PTPRG: variants seen among roughly 807,000 people sequenced by gnomAD.
The protein encoded by PTPRG is receptor-type tyrosine-protein phosphatase gamma.
Under a neutral mutation model 165.3 loss-of-function variants are expected in PTPRG, and 102 were observed. That is an observed-to-expected ratio of 0.62 (90% CI 0.53 to 0.73). The LOEUF (loss-of-function observed/expected upper bound fraction) is 0.73, where lower values mean the gene tolerates loss of function less well. PTPRG is among the 30% of genes least tolerant of loss of function. The probability of loss-of-function intolerance (pLI) is 0.00; values close to 1 mark genes in which losing one functional copy is unlikely to be tolerated. For missense variants in PTPRG, 1,866 were observed against 1,861.4 expected, an observed-to-expected ratio of 1.00 and a Z score of -0.05; for synonymous variants, 675 against 669.5, an observed-to-expected ratio of 1.01 and a Z score of -0.13.
At chr3:62,106,310 T>C (rs1702470426) in intron 5 of PTPRG, among the ~76,000 whole-genome samples, 1 of 152,136 alleles carries the variant, frequency 6.6e-6, no homozygotes, top group Non-Finnish European at 1.5e-5. Flanking sequence ...AGCACCTTTG[T>C]GGTACATCTC....
At chr3:62,281,076 C>A (rs1237628001) in intron 26 of PTPRG, among the ~76,000 whole-genome samples, 1 of 152,032 alleles carries the variant, frequency 6.6e-6, no homozygotes. Context: ...AACCTTTTTA[C>A]TATCTGTATG....
chr3:62,160,661 T>C (rs1704720820), intron 7 of PTPRG, among the ~76,000 whole-genome samples: 2 of 152,376 alleles, frequency 1.3e-5, no homozygotes, highest in Admixed American at 6.5e-5. Context: ...TCTAGAATAG[T>C]GCTTCTCAGA....
rs376482842 is a variant in PTPRG, at chr3:62,167,594, C to G, written c.841-377C>G. 3.3e-5 allele frequency among the ~76,000 whole-genome samples: 5 copies of G among 152,298 alleles called. No homozygotes were observed. The South Asian group carries it at 8.3e-4, about 25-fold the overall frequency. ...GAGTTAGTATTCATACCCAGGCAGT[C>G]TGGCTCCGGGACATAACAGTTTGAC... On this transcript the variant is annotated intron_variant, in intron 7 of 29. Coordinates refer to ENST00000474889, the MANE Select transcript of PTPRG (RefSeq NM_002841.4).
In PTPRG at chr3:62,171,210, G is replaced by A. The variant is rs114390979; in HGVS notation, c.1033+3047G>A. ...ATTATTTTCAAGTCTGGGTGATTAC[G>A]AAAACTCTTGAACCTGCCTTTTAAT... On this transcript the variant is annotated intron_variant, in intron 8 of 29. Transcript: ENST00000474889. Among the ~76,000 whole-genome samples the A allele has an allele frequency of 6.9e-3, 1,052 of 152,224 alleles. 11 individuals carry two copies. The highest frequency in any genetic ancestry group is 0.011 in the Non-Finnish European group (768 of 68,016).
chr3:61,921,127 CCTTCCTT>C (rs1170223154), intron 2 of PTPRG, among the ~76,000 whole-genome samples: 3 of 144,120 alleles, frequency 2.1e-5, no homozygotes, highest in Non-Finnish European at 4.7e-5. Context: ...CTCCTTCCTT[CCTTCCTT>C]CCTTCCTTCC....
At chr3:62,287,436 A>G (rs1702707108) in intron 28 of PTPRG, among the ~76,000 whole-genome samples, 1 of 152,184 alleles carries the variant, frequency 6.6e-6, no homozygotes, top group South Asian at 2.1e-4. Context: ...GGAAGATTTT[A>G]TGAAATGAAG....
intron 15 of PTPRG, among the ~76,000 whole-genome samples, chr3:62,249,002 A>T (rs1489871598): frequency 6.6e-6 from 1 of 152,192 alleles, no homozygotes; most frequent in Non-Finnish European, 1.5e-5. Context: ...TACAGAGATT[A>T]TCTCCAAAAG....
intron 16 of PTPRG, among the ~76,000 whole-genome samples, chr3:62,259,871 C>T (rs950824506): frequency 2.0e-5 from 3 of 151,990 alleles, no homozygotes; most frequent in Non-Finnish European, 2.9e-5. Context: ...ATGGTCTTTT[C>T]AAAGGGTATG....
chr3:62,275,871 A>T lies in PTPRG; in HGVS notation c.3466-2A>T. The T allele has an allele frequency of 1.9e-6, 3 of 1,595,172 alleles. No individual in the cohort carries two copies. Among genetic ancestry groups the T allele is most frequent in the East Asian group, 2.2e-5 (1 of 44,664 alleles). ...AAGACTAAAATGTTTTTTCTTTTTC[A>T]GCTGGTCACACAGTGTAATGCAAAA... On this transcript the variant is annotated splice_acceptor_variant, in intron 23 of 29. Transcript: ENST00000474889. LOFTEE classifies it high-confidence loss of function.
chr3:62,008,302 G>C (rs910065255), intron 4 of PTPRG, among the ~76,000 whole-genome samples: 1 of 152,126 alleles, frequency 6.6e-6, no homozygotes, highest in Admixed American at 6.6e-5. Context: ...TGTTGTTTGA[G>C]GTAATTAAAA....
chr3:61,790,745 ATTTT>A, intron 2 of PTPRG, among the ~76,000 whole-genome samples: 1 of 138,596 alleles, frequency 7.2e-6, no homozygotes, highest in Middle Eastern at 3.5e-3. Context: ...GACTTCTGTG[ATTTT>A]TTTTTTTTTT....
chr3:62,213,342 T>C lies in PTPRG; in HGVS notation c.2156-5509T>C, dbSNP rs919103692. On this transcript the variant is annotated intron_variant, in intron 12 of 29. Transcript: ENST00000474889. The surrounding 1 kb of genome is among the most constrained non-coding windows in gnomAD (Gnocchi z 4.4). ...CACAGGCCCTGTGCTCAGAAGGGCC[T>C]ATGCTTGCTTTCATACTGTCTCATA... Among the ~76,000 whole-genome samples, 2 of 152,222 alleles carry C rather than the reference T, an allele frequency of 1.3e-5. No homozygotes were observed. Among genetic ancestry groups the C allele is most frequent in the Non-Finnish European group, 2.9e-5 (2 of 68,038 alleles).
At chr3:62,230,381 A>T (rs965472141) in intron 13 of PTPRG, among the ~76,000 whole-genome samples, 3 of 152,328 alleles carry the variant, frequency 2.0e-5, no homozygotes, top group African/African-American at 7.2e-5. Flanking sequence ...GTGGGACTCA[A>T]CAGAACTTCC....
chr3:62,083,257 A>G (rs1386820360), intron 5 of PTPRG, among the ~76,000 whole-genome samples: 2 of 128,766 alleles, frequency 1.6e-5, no homozygotes, highest in Non-Finnish European at 3.1e-5. Flanking sequence ...TTTTGCCATT[A>G]CTTTTTTTTT....
At chr3:61,602,372 A>G (rs1700893316) in intron 1 of PTPRG, among the ~76,000 whole-genome samples, 2 of 152,140 alleles carry the variant, frequency 1.3e-5, no homozygotes, top group African/African-American at 4.8e-5. Context: ...TACACAATCC[A>G]GAGGGAAATG....
intron 2 of PTPRG, among the ~76,000 whole-genome samples, chr3:61,872,588 G>T (rs1038739459): frequency 6.6e-6 from 1 of 152,076 alleles, no homozygotes; most frequent in Non-Finnish European, 1.5e-5. Context: ...CTGAGTAAGT[G>T]CTCACTCAAT....
rs993751188 is a variant in PTPRG, at chr3:62,245,133, G to A, written c.2467+1235G>A. Among the ~76,000 whole-genome samples, 2 of 152,174 alleles carry A rather than the reference G, an allele frequency of 1.3e-5. No individual in the cohort carries two copies. The highest frequency in any genetic ancestry group is 2.9e-5 in the Non-Finnish European group (2 of 68,008). ...ACAGAAAGTCTCTGATTAACTTCCTGTTGGAGCATTTTGTGGCTGCTAAAC... is the reference window on the plus strand; with the variant it reads ...ACAGAAAGTCTCTGATTAACTTCCTATTGGAGCATTTTGTGGCTGCTAAAC... On this transcript the variant is annotated intron_variant, in intron 15 of 29. Transcript: ENST00000474889. This position sits in a 1 kb window ranked among gnomAD's most constrained non-coding sequence, Gnocchi z 4.2.
chr3:61,716,482 A>G (rs1207074543), intron 1 of PTPRG, among the ~76,000 whole-genome samples: 1 of 152,198 alleles, frequency 6.6e-6, no homozygotes, highest in Non-Finnish European at 1.5e-5. Context: ...CACATGGATA[A>G]AGAAATTATT....
At chr3:62,081,597 A>G (rs569213885) in intron 5 of PTPRG, among the ~76,000 whole-genome samples, 21 of 152,156 alleles carry the variant, frequency 1.4e-4, no homozygotes, top group Admixed American at 1.3e-4. Flanking sequence ...CTCCTGCCTC[A>G]GCCTTCTAAA....
Sources: allele counts gnomAD v4.1 joint callset (sites outside exome capture counted in the v4.1 genomes callset), GRCh38; gene constraint gnomAD v4.1.1; non-coding constraint Gnocchi (gnomAD v3.1); transcripts MANE v1.5; gene names NCBI Gene and HGNC (gene_info 2026-07-23, HGNC 2026-07-21).